RANBP2: variants seen among roughly 807,000 people sequenced by gnomAD.
RANBP2 encodes RAN binding protein 2.
Under a neutral mutation model 303.6 loss-of-function variants are expected in RANBP2, and 57 were observed. That is an observed-to-expected ratio of 0.19 (90% CI 0.15 to 0.23). RANBP2 has a LOEUF of 0.23. Among genes scored for constraint, RANBP2 ranks in the 10% least tolerant of loss-of-function variants. The pLI, the probability that RANBP2 is intolerant of heterozygous loss-of-function variation, is 1.00. For synonymous variants in RANBP2, 1,167 were observed against 1,301.5 expected (o/e 0.90, Z 2.23); for missense variants, 3,138 against 3,780.8 (o/e 0.83, Z 4.46).
At chr2:109,201,640 C>T in the RANBP2 span, among the ~76,000 whole-genome samples, 89 of 152,308 alleles carry the variant, frequency 5.8e-4, no homozygotes, top group East Asian at 0.013. Context: ...TCGTTTGGGA[C>T]GTTTGTGTCA....
chr2:108,972,340 T>C, the RANBP2 span, among the ~76,000 whole-genome samples: 1 of 152,202 alleles, frequency 6.6e-6, no homozygotes, highest in Non-Finnish European at 1.5e-5. Context: ...ACACAGACAA[T>C]GATGACCAAA....
the RANBP2 span, among the ~76,000 whole-genome samples, chr2:109,075,289 A>G: frequency 2.0e-5 from 3 of 150,322 alleles, no homozygotes; most frequent in Non-Finnish European, 4.5e-5. Context: ...CAATGGCACA[A>G]TCTCGGCTCA....
At chr2:108,849,163 C>T in the RANBP2 span, among the ~76,000 whole-genome samples, 1 of 151,790 alleles carries the variant, frequency 6.6e-6, no homozygotes, top group East Asian at 1.9e-4. Flanking sequence ...TAGAAACTGT[C>T]CAAAATGAAT....
the RANBP2 span, among the ~76,000 whole-genome samples, chr2:108,937,824 G>A: frequency 6.6e-6 from 1 of 152,136 alleles, no homozygotes; most frequent in African/African-American, 2.4e-5. Context: ...GTGGACCTGC[G>A]GGGAGAGGCA....
At chr2:108,965,008 T>C in the RANBP2 span, among the ~76,000 whole-genome samples, 1 of 152,210 alleles carries the variant, frequency 6.6e-6, no homozygotes, top group African/African-American at 2.4e-5. Context: ...ACAACCTGCC[T>C]CTTTTACATG....
chr2:108,858,571 T>C, the RANBP2 span, among the ~76,000 whole-genome samples: 1 of 152,194 alleles, frequency 6.6e-6, no homozygotes, highest in Non-Finnish European at 1.5e-5. Flanking sequence ...GCCAGTACGA[T>C]TTATTAGAGC....
chr2:109,588,794 ATAT>A, the RANBP2 span, among the ~76,000 whole-genome samples: 1 of 151,412 alleles, frequency 6.6e-6, no homozygotes, highest in South Asian at 2.1e-4. Flanking sequence ...CCAGGCTAAA[ATAT>A]TATATTATTT....
At chr2:109,422,572 T>C in the RANBP2 span, among the ~76,000 whole-genome samples, 2 of 151,400 alleles carry the variant, frequency 1.3e-5, no homozygotes, top group African/African-American at 2.4e-5. Flanking sequence ...TGCAGAGACG[T>C]CTCTCATTCC....
At chr2:109,283,065 C>T in the RANBP2 span, among the ~76,000 whole-genome samples, 1 of 152,234 alleles carries the variant, frequency 6.6e-6, no homozygotes, top group African/African-American at 2.4e-5. Flanking sequence ...TAAGTCCAGG[C>T]TTGGCCAGGG....
the RANBP2 span, among the ~76,000 whole-genome samples, chr2:109,154,535 C>G: frequency 1.3e-5 from 2 of 152,188 alleles, no homozygotes; most frequent in African/African-American, 2.4e-5. Flanking sequence ...GGTGAAGAAA[C>G]CAAGGCTCCC....
chr2:109,695,727 CAG>C, the RANBP2 span, among the ~76,000 whole-genome samples: 49 of 152,284 alleles, frequency 3.2e-4, no homozygotes, highest in Non-Finnish European at 6.0e-4. Flanking sequence ...TTCCATGGGA[CAG>C]AGGTATAGGG....
the RANBP2 span, among the ~76,000 whole-genome samples, chr2:109,205,925 A>AT: frequency 1.3e-5 from 2 of 152,208 alleles, no homozygotes; most frequent in Admixed American, 6.5e-5. Context: ...TTGACTTAAA[A>AT]AAGTAGATGT....
chr2:109,402,615 C>T, the RANBP2 span, among the ~76,000 whole-genome samples: 1 of 152,208 alleles, frequency 6.6e-6, no homozygotes, highest in Non-Finnish European at 1.5e-5. Context: ...CTCACAGTCC[C>T]CTCGGGACCC....
chr2:109,713,199 G>A, the RANBP2 span, among the ~76,000 whole-genome samples: 3 of 152,144 alleles, frequency 2.0e-5, no homozygotes, highest in African/African-American at 2.4e-5. Flanking sequence ...GACCCACTTC[G>A]TGGAGGAGAG....
At chr2:109,411,172 C>T in the RANBP2 span, among the ~76,000 whole-genome samples, 6,730 of 152,268 alleles carry the variant, frequency 0.044, 261 homozygotes, top group African/African-American at 0.098. Flanking sequence ...CTCTCAACCT[C>T]GTTATGAATA....
intron 14 of RANBP2, 94 bp downstream of exon 14, chr2:108,753,657 A>G: frequency 1.3e-6 from 2 of 1,591,370 alleles, no homozygotes; most frequent in Non-Finnish European, 1.7e-6. Context: ...GCTAGAGTGC[A>G]GTGGCACAAT....
chr2:109,199,203 C>CA, the RANBP2 span, among the ~76,000 whole-genome samples: 1 of 151,726 alleles, frequency 6.6e-6, no homozygotes, highest in Non-Finnish European at 1.5e-5. Flanking sequence ...ACGAAAAATA[C>CA]AAAAAATTAG....
the RANBP2 span, among the ~76,000 whole-genome samples, chr2:109,751,987 C>A: frequency 0.052 from 20 of 384 alleles, 3 homozygotes; most frequent in Non-Finnish European, 0.39. Flanking sequence ...CACCCGCATA[C>A]TGCATGCTCC....
chr2:109,012,608 A>G, the RANBP2 span, among the ~76,000 whole-genome samples: 3 of 133,294 alleles, frequency 2.3e-5, no homozygotes, highest in Non-Finnish European at 4.6e-5. Flanking sequence ...TTTTCCTTAG[A>G]AAAAAAAATT....
Sources: gnomAD v4.1 joint callset for allele counts (sites outside exome capture counted in the v4.1 genomes callset) on GRCh38, gnomAD v4.1.1 for gene constraint, MANE v1.5 for transcripts, NCBI Gene and HGNC (gene_info 2026-07-23, HGNC 2026-07-21) for gene names.